Variants in ACVR2B observed in about 807,000 individuals in gnomAD.
ACVR2B encodes activin A receptor type 2B.
A neutral mutation model predicts 65.1 loss-of-function variants in ACVR2B; 18 were observed. The ratio of observed to expected loss-of-function variants is 0.28; its 90% CI spans 0.19 to 0.41. The LOEUF is 0.41. ACVR2B is among the 10% of genes least tolerant of loss of function. ACVR2B has a pLI of 1.00. For synonymous variants in ACVR2B, 298 were observed against 277.7 expected (o/e 1.07, Z -0.73); for missense variants, 482 against 682.7 (o/e 0.71, Z 3.28).
chr3:38,482,164 A>C (rs1391054809), intron 8 of ACVR2B, 34 bp from the exon 9 acceptor site: 14 of 1,613,524 alleles, frequency 8.7e-6, no homozygotes, highest in African/African-American at 1.3e-5. Flanking sequence ...ATGGCCAGTC[A>C]CTGTAAATCC....
chr3:38,473,502 G>GT (rs999037147), intron 1 of ACVR2B: 4 of 152,398 alleles, frequency 2.6e-5, no homozygotes, highest in African/African-American at 9.7e-5. Flanking sequence ...AAATAGCTGA[G>GT]TGTGTGAAGA....
At chr3:38,454,490 A>G in intron 1 of ACVR2B, 116 bp downstream of exon 1, 1 of 951,480 alleles carries the variant, frequency 1.1e-6, no homozygotes, top group East Asian at 3.6e-5. Flanking sequence ...CACCACCTGT[A>G]TTCAGCCCTC....
rs748362587 is a variant in ACVR2B, at chr3:38,477,478, T to G, written c.244T>G (p.Phe82Val). Residue 82 changes from phenylalanine to valine, a missense_variant, in exon 2 of 11, where the codon TTC (phenylalanine) becomes GTC (valine). Coordinates refer to ENST00000352511, the MANE Select transcript of ACVR2B (RefSeq NM_001106.4). The surrounding 1 kb of genome is among the most constrained non-coding windows in gnomAD (Gnocchi z 6.7). Reference protein sequence around the residue: ...LVKKGCWLDDFNCYDRQECVA... With the variant: ...LVKKGCWLDDVNCYDRQECVA... ...GAAGAAGGGCTGCTGGCTAGATGAC[T>G]TCAACTGCTACGATAGGTACCCCAA... 14 of 1,613,916 alleles carry G rather than the reference T, an allele frequency of 8.7e-6. No individual in the cohort carries two copies. Among genetic ancestry groups the G allele is most frequent in the Non-Finnish European group, 1.1e-5 (13 of 1,179,948 alleles).
At position 38,454,342 on chromosome 3, in the gene ACVR2B, C is replaced by G. The variant is rs1709503298; in HGVS notation, c.20C>G (p.Ala7Gly). 1 of 1,297,154 alleles carries G rather than the reference C, an allele frequency of 7.7e-7. No individual in the cohort carries two copies. The highest frequency in any genetic ancestry group is 9.8e-7 in the Non-Finnish European group (1 of 1,023,356). 80.4% of individuals were successfully genotyped at this position (1,297,154 alleles called of 1,614,324 possible). Reference sequence around the variant, plus strand: ...CGGAACATGACGGCGCCCTGGGTGGCCCTCGCCCTCCTCTGGGGATCGCTG... The same window carrying G: ...CGGAACATGACGGCGCCCTGGGTGGGCCTCGCCCTCCTCTGGGGATCGCTG... The part of the protein sequence containing the change: MTAPWV[A>G]LALLWGSLCA... Residue 7 changes from alanine to glycine, a missense_variant, in exon 1 of 11, where the codon GCC (alanine) becomes GGC (glycine). Coordinates refer to ENST00000352511, the MANE Select transcript of ACVR2B (RefSeq NM_001106.4).
At chr3:38,462,180 C>T (rs901998888) in intron 1 of ACVR2B, among the ~76,000 whole-genome samples, 2 of 151,802 alleles carry the variant, frequency 1.3e-5, no homozygotes, top group African/African-American at 4.8e-5. Flanking sequence ...GGCAACAGAG[C>T]GAGACTCCAT....
rs1396080248 is a variant in ACVR2B at position 38,454,015 on chromosome 3, C to T, written c.-308C>T. The T allele has an allele frequency of 3.4e-5, 5 of 145,708 alleles. No homozygotes were observed. The highest frequency in any genetic ancestry group is 2.7e-4 in the Admixed American group (4 of 14,782). The allele number at this position is 145,708 out of a possible 1,614,324, so 9.0% of individuals were successfully genotyped here. On this transcript the variant is annotated 5_prime_UTR_variant, in exon 1 of 11. Transcript: ENST00000352511. ...CCTGCGCCCGGGGCCCGGGCCCAGCCCCGCCGCGCTATGCCTGAGTCGGGC... is the reference window on the plus strand; with the variant it reads ...CCTGCGCCCGGGGCCCGGGCCCAGCTCCGCCGCGCTATGCCTGAGTCGGGC...
chr3:38,460,325 C>G (rs1282523449), intron 1 of ACVR2B, among the ~76,000 whole-genome samples: 1 of 152,144 alleles, frequency 6.6e-6, no homozygotes, highest in Non-Finnish European at 1.5e-5. Context: ...TCCTTGTGGT[C>G]CTGGGGGTAC....
Position 38,469,562 on chromosome 3 carries a change from A to G in ACVR2B, c.53-7725A>G, listed in dbSNP as rs992755662. ...CCCGAGAATTTATAACCATAGGCCTATGCTCATGTGAGCTTGGCATTTATA... is the reference window on the plus strand; with the variant it reads ...CCCGAGAATTTATAACCATAGGCCTGTGCTCATGTGAGCTTGGCATTTATA... On this transcript the variant is annotated intron_variant, in intron 1 of 10. Coordinates refer to ENST00000352511, the MANE Select transcript of ACVR2B (RefSeq NM_001106.4). Among the ~76,000 whole-genome samples the G allele has an allele frequency of 1.1e-4, 16 of 151,838 alleles. No individual in the cohort carries two copies. In the East Asian group the frequency reaches 2.7e-3, roughly 26 times the overall value.
chr3:38,479,794 T>C lies in ACVR2B; in HGVS notation c.927T>C (p.Arg309=), dbSNP rs1334443153. 6.2e-7 allele frequency: 1 copy of C among 1,614,222 alleles called. No individual in the cohort carries two copies. The highest frequency in any genetic ancestry group is 1.7e-5 in the Admixed American group (1 of 60,032). The change falls in exon 7 of 11, where the codon CGT becomes CGC. Residue 309 remains arginine, a synonymous_variant. Coordinates refer to ENST00000352511, the MANE Select transcript of ACVR2B (RefSeq NM_001106.4). ...SYLHEDVPWC[R]GEGHKPSIAH... is the part of the protein sequence containing the mutation. Reference sequence around the variant, plus strand: ...TGCATGAGGATGTGCCCTGGTGCCGTGGCGAGGGCCACAAGCCGTCTATTG... The same window carrying C: ...TGCATGAGGATGTGCCCTGGTGCCGCGGCGAGGGCCACAAGCCGTCTATTG...
At chr3:38,482,994 C>T (rs964767690) in intron 10 of ACVR2B, 144 bp from the exon 11 acceptor site, 3 of 926,378 alleles carry the variant, frequency 3.2e-6, no homozygotes, top group Non-Finnish European at 5.3e-6. Context: ...TTCCCCAGGC[C>T]TCTGCTGGTG....
At chr3:38,460,002 C>T (rs1709615820) in intron 1 of ACVR2B, among the ~76,000 whole-genome samples, 1 of 152,168 alleles carries the variant, frequency 6.6e-6, no homozygotes, top group African/African-American at 2.4e-5. Context: ...CAGTTTGCTG[C>T]ACTGGGAAGT....
chr3:38,462,170 G>C (rs1040621463), intron 1 of ACVR2B, among the ~76,000 whole-genome samples: 7 of 151,714 alleles, frequency 4.6e-5, no homozygotes, highest in African/African-American at 1.2e-4. Context: ...CTCCAGCCTG[G>C]GCAACAGAGC....
At chr3:38,482,160 A>G in intron 8 of ACVR2B, 38 bp from the exon 9 acceptor site, 1 of 1,613,712 alleles carries the variant, frequency 6.2e-7, no homozygotes. Context: ...GTGTATGGCC[A>G]GTCACTGTAA....
intron 1 of ACVR2B, 92 bp downstream of exon 1, chr3:38,454,466 G>C: frequency 9.0e-7 from 1 of 1,106,752 alleles, no homozygotes; most frequent in Non-Finnish European, 1.1e-6. Context: ...GGCGGGCCCG[G>C]GGCCTCGTCG....
At chr3:38,465,352 C>T (rs1160739754) in intron 1 of ACVR2B, among the ~76,000 whole-genome samples, 8 of 145,972 alleles carry the variant, frequency 5.5e-5, no homozygotes, top group East Asian at 2.0e-4. Context: ...GAGCTGAAAT[C>T]GCACCACTGC....
chr3:38,478,329 G>T, intron 4 of ACVR2B, 37 bp downstream of exon 4: 1 of 1,614,124 alleles, frequency 6.2e-7, no homozygotes, highest in Non-Finnish European at 8.5e-7. Context: ...GCAGGATAGA[G>T]GTGGGGAGGA....
rs1559657731 is a variant in ACVR2B at position 38,484,904 on chromosome 3, TAGAG to T, written c.*1574_*1577del. ...TTGTGACAAGGAAGTTTAAAAGAAA[TAGAG>T]AAAAAGAAAAAAGTTTGCATCTTCT... On this transcript the variant is annotated 3_prime_UTR_variant, in exon 11 of 11. Coordinates refer to ENST00000352511, the MANE Select transcript of ACVR2B (RefSeq NM_001106.4). 6.6e-6 allele frequency: 1 copy of T among 152,612 alleles called. No homozygotes were observed. The highest frequency in any genetic ancestry group is 2.4e-5 in the African/African-American group (1 of 41,456). 9.5% of individuals were successfully genotyped at this position (152,612 alleles called of 1,614,324 possible).
At chr3:38,461,777 G>A (rs1232790111) in intron 1 of ACVR2B, among the ~76,000 whole-genome samples, 2 of 152,230 alleles carry the variant, frequency 1.3e-5, no homozygotes, top group South Asian at 2.1e-4. Context: ...GATAATACTA[G>A]GGTCTCCTTT....
intron 1 of ACVR2B, chr3:38,473,944 C>T (rs532009481): frequency 1.8e-4 from 27 of 152,612 alleles, no homozygotes; most frequent in Non-Finnish European, 2.6e-4. Context: ...TGCAATGGCA[C>T]GACCTCAGCT....
Sources: allele counts gnomAD v4.1 joint callset (sites outside exome capture counted in the v4.1 genomes callset), GRCh38; gene constraint gnomAD v4.1.1; non-coding constraint Gnocchi (gnomAD v3.1); transcripts MANE v1.5; gene names NCBI Gene and HGNC (gene_info 2026-07-23, HGNC 2026-07-21).